The following TNR variants were observed in gnomAD, a reference collection of about 807,000 sequenced individuals.
TNR encodes tenascin R.
TNR carries 45 observed loss-of-function variants against 150.4 expected under a neutral mutation model. That is an observed-to-expected ratio of 0.30 (90% CI 0.24 to 0.38). The LOEUF is 0.38. Among genes scored for constraint, TNR ranks in the 10% least tolerant of loss-of-function variants. TNR has a pLI of 1.00. For missense variants in TNR, 1,544 were observed against 1,759.1 expected, an observed-to-expected ratio of 0.88 and a Z score of 2.19; for synonymous variants, 687 against 678.4, an observed-to-expected ratio of 1.01 and a Z score of -0.20.
At chr1:175,515,720 G>A (rs1028551720) in intron 2 of TNR, among the ~76,000 whole-genome samples, 2 of 152,240 alleles carry the variant, frequency 1.3e-5, no homozygotes, top group Non-Finnish European at 2.9e-5. Context: ...CCAGGGTGCT[G>A]TGGGGAAAGT....
Position 175,721,036 on chromosome 1 carries a change from GC to G in TNR, c.-165+22189del, listed in dbSNP as rs1415560552. On this transcript the variant is annotated intron_variant, in intron 1 of 22. Transcript: ENST00000367674. ...TGAGGGCATGGGACCCTTGTCTTAT[GC>G]ATATTCATCTTCATTGCTTAGCTGC... 5.9e-5 allele frequency among the ~76,000 whole-genome samples: 9 copies of G among 152,154 alleles called. 1 individual carries two copies. Among genetic ancestry groups the G allele is most frequent in the Admixed American group, 5.9e-4 (9 of 15,272 alleles).
At position 175,426,906 on chromosome 1, in the gene TNR, TTA is replaced by T. The variant is rs1248441200; in HGVS notation, c.-63-20131_-63-20130del. 2.4e-4 allele frequency among the ~76,000 whole-genome samples: 19 copies of T among 80,254 alleles called. 1 individual carries two copies. The highest frequency in any genetic ancestry group is 3.3e-4 in the Non-Finnish European group (14 of 42,698). The allele number at this position is 80,254 out of a possible 152,430, so 52.6% of individuals were successfully genotyped here. On this transcript the variant is annotated intron_variant, in intron 2 of 22. Coordinates refer to ENST00000367674, the MANE Select transcript of TNR (RefSeq NM_003285.3). ...AAAATATAAATATATATAAAATATA[TTA>T]TATATATAAAATATAAATATATATA...
chr1:175,402,034 G>T (rs892999867), intron 4 of TNR, among the ~76,000 whole-genome samples: 3 of 152,254 alleles, frequency 2.0e-5, no homozygotes, highest in Admixed American at 6.5e-5. Context: ...CAGGCCGGGC[G>T]CGGTGGCTCA....
intron 1 of TNR, among the ~76,000 whole-genome samples, chr1:175,662,483 G>A (rs1665408317): frequency 6.6e-6 from 1 of 152,148 alleles, no homozygotes. Context: ...CTCCCCTAGG[G>A]CCCCAGCCAG....
chr1:175,434,796 C>T (rs1265045775), intron 2 of TNR, among the ~76,000 whole-genome samples: 4 of 152,162 alleles, frequency 2.6e-5, no homozygotes, highest in East Asian at 3.9e-4. Flanking sequence ...TCCTGTTGCT[C>T]CTCTGCTAAA....
At chr1:175,678,394 A>G (rs1345834198) in intron 1 of TNR, among the ~76,000 whole-genome samples, 1 of 152,160 alleles carries the variant, frequency 6.6e-6, no homozygotes, top group African/African-American at 2.4e-5. Context: ...ATTTTTTTAA[A>G]ATACACAGCC....
intron 1 of TNR, among the ~76,000 whole-genome samples, chr1:175,556,262 G>A (rs1007078127): frequency 1.3e-5 from 2 of 152,260 alleles, no homozygotes; most frequent in Admixed American, 1.3e-4. Flanking sequence ...TAAACACCAA[G>A]CTCAACACAC....
intron 2 of TNR, among the ~76,000 whole-genome samples, chr1:175,527,532 G>A (rs1206960186): frequency 6.6e-6 from 1 of 152,068 alleles, no homozygotes; most frequent in Non-Finnish European, 1.5e-5. Context: ...AGAGAAGACT[G>A]GTGGCTATAT....
chr1:175,575,612 A>G (rs955748453), intron 1 of TNR, among the ~76,000 whole-genome samples: 6 of 152,192 alleles, frequency 3.9e-5, no homozygotes, highest in African/African-American at 1.4e-4. Flanking sequence ...AAGGAGAGAG[A>G]GAGAGTGCCT....
Position 175,546,195 on chromosome 1 carries a change from C to T in TNR, c.-164-17826G>A, listed in dbSNP as rs999064180. ...AAGCCAAGCTCATTTTTGTGGTGCA[C>T]TTGTGCTCATGATGTGCCCAGCACT... On this transcript the variant is annotated intron_variant, in intron 1 of 22. Coordinates refer to ENST00000367674, the MANE Select transcript of TNR (RefSeq NM_003285.3). Among the ~76,000 whole-genome samples, 4 of 152,170 alleles carry T rather than the reference C, an allele frequency of 2.6e-5. No individual in the cohort carries two copies. The East Asian group carries it at 7.7e-4, about 29-fold the overall frequency.
intron 2 of TNR, among the ~76,000 whole-genome samples, chr1:175,451,612 C>A (rs899606692): frequency 1.3e-5 from 2 of 152,196 alleles, no homozygotes; most frequent in Non-Finnish European, 1.5e-5. Flanking sequence ...TTTGGATACG[C>A]CGTCCCAGAG....
intron 2 of TNR, 59 bp from the exon 3 acceptor site, chr1:175,406,836 T>A: frequency 7.5e-7 from 1 of 1,326,170 alleles, no homozygotes; most frequent in Non-Finnish European, 1.0e-6. Context: ...GCACCATGGC[T>A]CTGCACAAGC....
At chr1:175,652,356 T>A (rs1665026577) in intron 1 of TNR, among the ~76,000 whole-genome samples, 1 of 151,970 alleles carries the variant, frequency 6.6e-6, no homozygotes, top group South Asian at 2.1e-4. Flanking sequence ...CCAGTGGCCA[T>A]GGCAGACAAA....
intron 2 of TNR, among the ~76,000 whole-genome samples, chr1:175,442,915 A>T (rs1655862453): frequency 6.7e-6 from 1 of 149,262 alleles, no homozygotes; most frequent in Admixed American, 6.6e-5. Context: ...TTGTTGTAAA[A>T]TACCCATACT....
intron 1 of TNR, among the ~76,000 whole-genome samples, chr1:175,627,754 G>A (rs572124251): frequency 6.6e-6 from 1 of 151,752 alleles, no homozygotes; most frequent in Admixed American, 6.6e-5. Flanking sequence ...GTTAATCTGA[G>A]GCTCTCCTAA....
chr1:175,582,844 G>T (rs1189157694), intron 1 of TNR, among the ~76,000 whole-genome samples: 1 of 152,058 alleles, frequency 6.6e-6, no homozygotes, highest in East Asian at 1.9e-4. Flanking sequence ...CTTATGAATG[G>T]ATTAATGCCA....
Position 175,727,649 on chromosome 1 carries a change from A to G in TNR, c.-165+15577T>C, listed in dbSNP as rs893612757. ...GAAATTGAGGATTCAAGTGGTGATA[A>G]TTGCAGGAACAGAGGCTTAGGAAGC... is the stretch of plus-strand genomic sequence containing the variant. On this transcript the variant is annotated intron_variant, in intron 1 of 22. Coordinates refer to ENST00000367674, the MANE Select transcript of TNR (RefSeq NM_003285.3). Among the ~76,000 whole-genome samples, 4 of 152,210 alleles carry G rather than the reference A, an allele frequency of 2.6e-5. No homozygotes were observed. The East Asian group carries it at 7.7e-4, about 29-fold the overall frequency.
intron 20 of TNR, among the ~76,000 whole-genome samples, chr1:175,330,814 TTCTC>T (rs2101984455): frequency 6.6e-6 from 1 of 152,314 alleles, no homozygotes; most frequent in East Asian, 1.9e-4. Flanking sequence ...TCCAGTCCCT[TTCTC>T]TCTAATCTGC....
intron 20 of TNR, 114 bp downstream of exon 20, chr1:175,335,597 G>C (rs1215720078): frequency 2.0e-6 from 2 of 1,013,192 alleles, no homozygotes; most frequent in Non-Finnish European, 3.0e-6. Flanking sequence ...TTCAGGAGCT[G>C]TTAGCTTCTC....
Sources: gnomAD v4.1 joint callset for allele counts (sites outside exome capture counted in the v4.1 genomes callset) on GRCh38, gnomAD v4.1.1 for gene constraint, MANE v1.5 for transcripts, NCBI Gene and HGNC (gene_info 2026-07-23, HGNC 2026-07-21) for gene names.